Variants in PROZ observed in about 807,000 individuals in gnomAD.
PROZ encodes vitamin K-dependent protein Z.
Under a neutral mutation model 34.9 loss-of-function variants are expected in PROZ, and 46 were observed. That is an observed-to-expected ratio of 1.32 (90% CI 1.04 to 1.69). The LOEUF (loss-of-function observed/expected upper bound fraction) is 1.69, where lower values mean the gene tolerates loss of function less well. Among genes scored for constraint, PROZ ranks in the 40% most tolerant of loss-of-function variants. The probability of loss-of-function intolerance (pLI) is 0.00; values close to 1 mark genes in which losing one functional copy is unlikely to be tolerated. For synonymous variants in PROZ, 195 were observed against 208.5 expected, an observed-to-expected ratio of 0.94 and a Z score of 0.56; for missense variants, 530 against 520.4, an observed-to-expected ratio of 1.02 and a Z score of -0.18.
rs1329910224 is a variant in PROZ at position 113,171,169 on chromosome 13, T to C, written c.692-425T>C. On this transcript the variant is annotated intron_variant, in intron 7 of 7. Coordinates refer to ENST00000375547, the MANE Select transcript of PROZ (RefSeq NM_003891.3). The surrounding 1 kb of genome is among the most constrained non-coding windows in gnomAD (Gnocchi z 5.1). ...TACTCCTGGCCTTAAGTGATCGACC[T>C]GCCTCGGCCTCCCGAAGCGCTGGGA... Among the ~76,000 whole-genome samples, 1 of 152,212 alleles carries C rather than the reference T, an allele frequency of 6.6e-6. No individual in the cohort carries two copies. The highest frequency in any genetic ancestry group is 2.4e-5 in the African/African-American group (1 of 41,452).
At position 113,159,903 on chromosome 13, in the gene PROZ, G is replaced by A; in HGVS notation, c.71-111G>A. The A allele has an allele frequency of 3.0e-6, 4 of 1,340,522 alleles. No individual in the cohort carries two copies. The highest frequency in any genetic ancestry group is 4.3e-6 in the Non-Finnish European group (4 of 935,178). The allele number at this position is 1,340,522 out of a possible 1,614,324, so 83.0% of individuals were successfully genotyped here. On this transcript the variant is annotated intron_variant, in intron 1 of 7. Coordinates refer to ENST00000375547, the MANE Select transcript of PROZ (RefSeq NM_003891.3). This position sits in a 1 kb window ranked among gnomAD's most constrained non-coding sequence, Gnocchi z 4.6. ...TGAGGCCCTCGCAGGCTGAGAGCCT[G>A]TGGAGACGGACGGGGCTGGGGCTGG...
rs1222165520 is a variant in PROZ, at chr13:113,165,104, A to G, written c.557A>G (p.Gln186Arg). The G allele has an allele frequency of 2.5e-6, 4 of 1,612,166 alleles. No individual in the cohort carries two copies. Among genetic ancestry groups the G allele is most frequent in the East Asian group, 2.2e-5 (1 of 44,896 alleles). ...TCTGAGAAGCGTGCACCGGATCTAC[A>G]GGACCTCCCGTGGCAGGTAACAGAG... ...LTSEKRAPDL[Q>R]DLPWQVKLTN... Residue 186 changes from glutamine to arginine, a missense_variant, in exon 6 of 8, where the codon CAG becomes CGG. Coordinates refer to ENST00000375547, the MANE Select transcript of PROZ (RefSeq NM_003891.3).
At chr13:113,162,728 A>T (rs148908213) in intron 3 of PROZ, among the ~76,000 whole-genome samples, 496 of 3,992 alleles carry the variant, frequency 0.12, 85 homozygotes, top group Non-Finnish European at 0.34. Flanking sequence ...CCACCTCCCC[A>T]CATCCTCCTC....
At chr13:113,167,027 A>G (rs1312579727) in intron 6 of PROZ, among the ~76,000 whole-genome samples, 1 of 152,238 alleles carries the variant, frequency 6.6e-6, no homozygotes, top group Non-Finnish European at 1.5e-5. Context: ...CTTCAGTATT[A>G]TAAATTGTTC....
intron 5 of PROZ, 123 bp from the exon 6 acceptor site, chr13:113,164,930 A>C (rs1446460999): frequency 9.6e-7 from 1 of 1,040,684 alleles, no homozygotes; most frequent in Admixed American, 2.0e-5. Context: ...ATCAGCATTA[A>C]GGATAAGATT....
intron 6 of PROZ, among the ~76,000 whole-genome samples, chr13:113,168,672 T>C (rs916906395): frequency 2.6e-5 from 4 of 152,238 alleles, no homozygotes; most frequent in Admixed American, 2.6e-4. Context: ...ATAGGGTTTG[T>C]TGAGATTCTT....
Position 113,171,792 on chromosome 13 carries a change from G to A in PROZ, c.890G>A (p.Arg297Lys). ...FAEHLLIPRT[R>K]GLLSGWARNG... Reference sequence around the variant, plus strand: ...GAGCACCTCCTCATCCCACGCACCAGGGGCCTCCTCAGCGGCTGGGCACGC... The same window carrying A: ...GAGCACCTCCTCATCCCACGCACCAAGGGCCTCCTCAGCGGCTGGGCACGC... Residue 297 changes from arginine to lysine, a missense_variant, in exon 8 of 8, where the codon AGG becomes AAG. Arg to Lys is a conservative substitution (Grantham distance 26). Transcript: ENST00000375547. The surrounding 1 kb of genome is among the most constrained non-coding windows in gnomAD (Gnocchi z 5.1). 1 of 1,613,420 alleles carries A rather than the reference G, an allele frequency of 6.2e-7. No individual in the cohort carries two copies. The highest frequency in any genetic ancestry group is 2.2e-5 in the East Asian group (1 of 44,882).
At chr13:113,163,425 G>C (rs995226580) in intron 4 of PROZ, among the ~76,000 whole-genome samples, 1 of 152,114 alleles carries the variant, frequency 6.6e-6, no homozygotes, top group African/African-American at 2.4e-5. Flanking sequence ...AGGCTGGGGG[G>C]GTCACACACA....
intron 4 of PROZ, among the ~76,000 whole-genome samples, chr13:113,163,642 G>A (rs999377660): frequency 4.6e-5 from 7 of 152,088 alleles, no homozygotes; most frequent in African/African-American, 1.2e-4. Context: ...CCTCTCCTCC[G>A]AAGTCCAGAT....
rs111880366 is a variant in PROZ at position 113,159,682 on chromosome 13, C to A, written c.71-332C>A. On this transcript the variant is annotated intron_variant, in intron 1 of 7. Transcript: ENST00000375547. The surrounding 1 kb of genome is among the most constrained non-coding windows in gnomAD (Gnocchi z 4.6). ...TGGTCCCCAGTTCTCAGTACGGGGA[C>A]CTTTGACCCCAGCTCAGCCTTCCTT... Among the ~76,000 whole-genome samples the A allele has an allele frequency of 3.3e-5, 5 of 152,350 alleles. No homozygotes were observed. The highest frequency in any genetic ancestry group is 6.5e-5 in the Admixed American group (1 of 15,308).
In PROZ at chr13:113,171,170, G is replaced by C. The variant is rs1379520870; in HGVS notation, c.692-424G>C. Among the ~76,000 whole-genome samples the C allele has an allele frequency of 2.0e-5, 3 of 152,202 alleles. No homozygotes were observed. The highest frequency in any genetic ancestry group is 2.0e-4 in the Admixed American group (3 of 15,278). The stretch of plus-strand genomic sequence containing the variant: ...ACTCCTGGCCTTAAGTGATCGACCT[G>C]CCTCGGCCTCCCGAAGCGCTGGGAT... On this transcript the variant is annotated intron_variant, in intron 7 of 7. Transcript: ENST00000375547. This position sits in a 1 kb window ranked among gnomAD's most constrained non-coding sequence, Gnocchi z 5.1.
At chr13:113,168,018 T>A (rs1280032870) in intron 6 of PROZ, among the ~76,000 whole-genome samples, 1 of 152,200 alleles carries the variant, frequency 6.6e-6, no homozygotes, top group Non-Finnish European at 1.5e-5. Context: ...CGACGCCACA[T>A]CCGCTCGCTG....
At chr13:113,169,663 A>G (rs369001754) in intron 6 of PROZ, among the ~76,000 whole-genome samples, 2 of 152,376 alleles carry the variant, frequency 1.3e-5, no homozygotes, top group South Asian at 4.1e-4. Flanking sequence ...TGACTACTGA[A>G]GTGAAACCCT....
Position 113,172,025 on chromosome 13 carries a change from C to G in PROZ, c.1123C>G (p.Pro375Ala), listed in dbSNP as rs1199431672. ...TCTCACGGGGGTCCTGGGCTCGCAG[C>G]CAGTAGGAGGGCAGGCTCACATGGT... Reference protein sequence around the residue: ...WFLTGVLGSQPVGGQAHMVLV... With the variant: ...WFLTGVLGSQAVGGQAHMVLV... The change falls in exon 8 of 8, where the codon CCA (proline) becomes GCA (alanine). Residue 375 changes from proline to alanine, a missense_variant. By Grantham distance (27) the Pro-to-Ala change is conservative. Coordinates refer to ENST00000375547, the MANE Select transcript of PROZ (RefSeq NM_003891.3). 1.2e-6 allele frequency: 2 copies of G among 1,612,982 alleles called. No homozygotes were observed. The highest frequency in any genetic ancestry group is 1.7e-6 in the Non-Finnish European group (2 of 1,180,032).
In PROZ at chr13:113,163,123, G is replaced by A. The variant is rs1351210072; in HGVS notation, c.373+1G>A. 2 of 1,549,308 alleles carry A rather than the reference G, an allele frequency of 1.3e-6. No individual in the cohort carries two copies. Among genetic ancestry groups the A allele is most frequent in the African/African-American group, 1.4e-5 (1 of 73,036 alleles). ...TATGAGGGCAGCAACTGCGAGCTGG[G>A]TGAGGCCCCGGCCGTCCCCTTCCCC... is the stretch of plus-strand genomic sequence containing the variant. On this transcript the variant is annotated splice_donor_variant, in intron 4 of 7. Transcript: ENST00000375547. LOFTEE classifies it high-confidence loss of function.
Position 113,163,080 on chromosome 13 carries a change from T to C in PROZ, c.331T>C (p.Cys111Arg). ...CCAGGACAGCATCTGGGGCTACACC[T>C]GCACCTGCTCCCCCGGCTATGAGGG... Reference protein sequence around the residue: ...SCQDSIWGYTCTCSPGYEGSN... With the variant: ...SCQDSIWGYTRTCSPGYEGSN... The change falls in exon 4 of 8, where the codon TGC becomes CGC. Residue 111 changes from cysteine (C) to arginine (R), a missense_variant. Physicochemically the swap from Cys to Arg is radical, Grantham distance 180 (BLOSUM62 -3). Transcript: ENST00000375547. 6.4e-7 allele frequency: 1 copy of C among 1,559,080 alleles called. No homozygotes were observed. Among genetic ancestry groups the C allele is most frequent in the Non-Finnish European group, 8.7e-7 (1 of 1,150,778 alleles).
At position 113,171,618 on chromosome 13, in the gene PROZ, C is replaced by T. The variant is rs771096357; in HGVS notation, c.716C>T (p.Pro239Leu). 6.2e-6 allele frequency: 10 copies of T among 1,614,024 alleles called. No individual in the cohort carries two copies. The highest frequency in any genetic ancestry group is 5.0e-5 in the Admixed American group (3 of 60,000). Residue 239 changes from proline (P) to leucine (L), a missense_variant, in exon 8 of 8, where the codon CCG becomes CTG. Physicochemically the swap from Pro to Leu is moderately conservative, Grantham distance 98. Transcript: ENST00000375547. This position sits in a 1 kb window ranked among gnomAD's most constrained non-coding sequence, Gnocchi z 5.1. ...KTYFNRTSQD[P>L]LMIKITHVHV... Reference sequence around the variant, plus strand: ...GATTTTAACAGAACGAGCCAAGACCCGCTGATGATCAAGATAACGCACGTC... The same window carrying T: ...GATTTTAACAGAACGAGCCAAGACCTGCTGATGATCAAGATAACGCACGTC...
In PROZ at chr13:113,159,142, C is replaced by A; in HGVS notation, c.70+412C>A. The A allele has an allele frequency of 7.5e-7, 1 of 1,330,046 alleles. No homozygotes were observed. The highest frequency in any genetic ancestry group is 1.3e-5 in the South Asian group (1 of 79,194). 82.4% of individuals were successfully genotyped at this position (1,330,046 alleles called of 1,614,324 possible). On this transcript the variant is annotated intron_variant, in intron 1 of 7. Transcript: ENST00000375547. This position sits in a 1 kb window ranked among gnomAD's most constrained non-coding sequence, Gnocchi z 4.6. ...CAGCCAGGAATGCCCAGTCTTGAGT[C>A]AGGAGACATAGCCAGGGAGCAGCCA...
chr13:113,163,419 T>TG (rs904063507), intron 4 of PROZ, among the ~76,000 whole-genome samples: 8 of 152,050 alleles, frequency 5.3e-5, no homozygotes, highest in East Asian at 1.9e-4. Flanking sequence ...GCTCACAGGC[T>TG]GGGGGGGTCA....
Sources: gnomAD v4.1 joint callset for allele counts (sites outside exome capture counted in the v4.1 genomes callset) on GRCh38, gnomAD v4.1.1 for gene constraint, Gnocchi (gnomAD v3.1) non-coding constraint, MANE v1.5 for transcripts, NCBI Gene and HGNC (gene_info 2026-07-23, HGNC 2026-07-21) for gene names.